PRG4: variants seen among roughly 807,000 people sequenced by gnomAD.
PRG4 encodes articular superficial zone protein.
In PRG4, 61 loss-of-function variants were observed where a neutral mutation model predicts 91.2. The ratio of observed to expected loss-of-function variants is 0.67; its 90% CI spans 0.54 to 0.83. The LOEUF (loss-of-function observed/expected upper bound fraction) is 0.83, where lower values mean the gene tolerates loss of function less well. PRG4 is among the 40% of genes least tolerant of loss of function. The pLI is 0.00. For missense variants in PRG4, 1,564 were observed against 1,714.2 expected (o/e 0.91, Z 1.55); for synonymous variants, 576 against 614.2 (o/e 0.94, Z 0.92).
In PRG4 at chr1:186,308,404, A is replaced by G. The variant is rs1656904149; in HGVS notation, c.2685A>G (p.Glu895=). ...TPKALENSPK[E]PGVPTTKTPA... ...AAGCTCTTGAAAACAGTCCCAAGGAACCTGGTGTACCTACAACTAAGACTC... is the reference window on the plus strand; with the variant it reads ...AAGCTCTTGAAAACAGTCCCAAGGAGCCTGGTGTACCTACAACTAAGACTC... Residue 895 remains glutamate, a synonymous_variant, in exon 7 of 13, where the codon GAA becomes GAG. Transcript: ENST00000445192. 2.5e-6 allele frequency: 4 copies of G among 1,613,916 alleles called. No individual in the cohort carries two copies. The highest frequency in any genetic ancestry group is 2.5e-6 in the Non-Finnish European group (3 of 1,180,022).
intron 1 of PRG4, 80 bp from the exon 2 acceptor site, chr1:186,296,766 T>C (rs2102004589): frequency 1.4e-6 from 1 of 730,742 alleles, no homozygotes; most frequent in East Asian, 2.7e-5. Context: ...TTTTTAAAGT[T>C]ACTGAAATGT....
In PRG4 at chr1:186,304,223, TAAGA is replaced by T. The variant is rs1462358384; in HGVS notation, c.439_442del (p.Lys147LeufsTer2). 1 of 1,613,360 alleles carries T rather than the reference TAAGA, an allele frequency of 6.2e-7. No individual in the cohort carries two copies. The highest frequency in any genetic ancestry group is 8.5e-7 in the Non-Finnish European group (1 of 1,179,568). ...CCAAACCACCAAACAAGAAGAAGAC[TAAGA>T]AAGTTATAGAATCAGAGGAAATAAC... On this transcript the variant is annotated frameshift_variant, in exon 5 of 13. Transcript: ENST00000445192. LOFTEE classifies it high-confidence loss of function.
In PRG4 at chr1:186,308,370, C is replaced by T. The variant is rs1422058068; in HGVS notation, c.2651C>T (p.Pro884Leu). The T allele has an allele frequency of 1.3e-5, 21 of 1,613,832 alleles. No homozygotes were observed. Among genetic ancestry groups the T allele is most frequent in the Non-Finnish European group, 1.8e-5 (21 of 1,180,038 alleles). The change falls in exon 7 of 13, where the codon CCC becomes CTC. Residue 884 changes from proline (P) to leucine (L), a missense_variant. Pro to Leu is a moderately conservative substitution (Grantham distance 98). Around this residue, in one of 3 missense-constraint regions of PRG4, gnomAD observed 1,079 missense variants for 1,162.2 expected, o/e 0.93. Coordinates refer to ENST00000445192, the MANE Select transcript of PRG4 (RefSeq NM_005807.6). The stretch of plus-strand genomic sequence containing the variant: ...TCAACTCCTGAGCTTTCTGCAGAAC[C>T]CACACCAAAAGCTCTTGAAAACAGT... ...DESTPELSAE[P>L]TPKALENSPK...
intron 6 of PRG4, among the ~76,000 whole-genome samples, chr1:186,305,702 G>C (rs1477797739): frequency 6.6e-6 from 1 of 152,172 alleles, no homozygotes; most frequent in East Asian, 1.9e-4. Flanking sequence ...GTCCACATGT[G>C]GGGCAGCTGC....
At chr1:186,305,029 G>GA (rs1435901685) in intron 6 of PRG4, 107 bp downstream of exon 6, 29 of 1,186,280 alleles carry the variant, frequency 2.4e-5, no homozygotes, top group Non-Finnish European at 1.3e-5. Flanking sequence ...ATATGGGGGG[G>GA]AATATAACTT....
Position 186,312,251 on chromosome 1 carries a change from T to C in PRG4, c.3870T>C (p.Tyr1290=), listed in dbSNP as rs902185020. 1.9e-6 allele frequency: 3 copies of C among 1,613,950 alleles called. No homozygotes were observed. Among genetic ancestry groups the C allele is most frequent in the African/African-American group, 2.7e-5 (2 of 74,916 alleles). The part of the protein sequence containing the change: ...KCPGRRPALN[Y]PVYGETTQVR... ...CTGGAAGAAGGCCTGCTCTAAATTA[T>C]CCAGTGTATGGAGAAACGACACAGG... Residue 1290 remains tyrosine, a synonymous_variant, in exon 11 of 13, where the codon TAT becomes TAC. Coordinates refer to ENST00000445192, the MANE Select transcript of PRG4 (RefSeq NM_005807.6).
In PRG4 at chr1:186,306,298, G is replaced by A; in HGVS notation, c.599-20G>A. 2 of 1,521,824 alleles carry A rather than the reference G, an allele frequency of 1.3e-6. No homozygotes were observed. Among genetic ancestry groups the A allele is most frequent in the Non-Finnish European group, 1.8e-6 (2 of 1,119,050 alleles). 94.3% of individuals were successfully genotyped at this position (1,521,824 alleles called of 1,614,324 possible). A position where few individuals can be genotyped will look rare whatever the true frequency, so the allele number is the denominator to read the frequency against. ...AAAAAAAAATATTCTAAAATAACAA[G>A]ATGTATATTTTTTCTCCAGTAAAAG... On this transcript the variant is annotated intron_variant, in intron 6 of 12. Coordinates refer to ENST00000445192, the MANE Select transcript of PRG4 (RefSeq NM_005807.6).
chr1:186,311,180 A>G lies in PRG4; in HGVS notation c.3636+10A>G, dbSNP rs1571583235. On this transcript the variant is annotated intron_variant, in intron 9 of 12. Coordinates refer to ENST00000445192, the MANE Select transcript of PRG4 (RefSeq NM_005807.6). ...AACTTTCTTCTTTAAGGTAACACAA[A>G]TATCTTTGTGAGAGAAATTTAATAA... 5 of 1,605,710 alleles carry G rather than the reference A, an allele frequency of 3.1e-6. No individual in the cohort carries two copies. The East Asian group carries it at 6.7e-5, about 22-fold the overall frequency.
At chr1:186,299,541 G>C (rs1656066578) in intron 2 of PRG4, among the ~76,000 whole-genome samples, 1 of 152,170 alleles carries the variant, frequency 6.6e-6, no homozygotes, top group Non-Finnish European at 1.5e-5. Context: ...ACAATTATAA[G>C]GGTAAAAGAG....
chr1:186,312,159 T>G lies in PRG4; in HGVS notation c.3794-16T>G. The G allele has an allele frequency of 3.1e-6, 5 of 1,610,002 alleles. No individual in the cohort carries two copies. The highest frequency in any genetic ancestry group is 4.3e-6 in the Non-Finnish European group (5 of 1,176,378). ...ATTAATTTTCATTTTCCATGTGATA[T>G]TCTAATACATAACAGGTGGCAGCAT... On this transcript the variant is annotated splice_polypyrimidine_tract_variant and intron_variant, in intron 10 of 12. Transcript: ENST00000445192.
At position 186,313,842 on chromosome 1, in the gene PRG4, CATTTT is replaced by C; in HGVS notation, c.*68_*72del. Reference sequence around the variant, plus strand: ...AATAATAAATTTTGACACTGAAAAACATTTTATTAATAAAGAATATTGACATGAGT... The same window carrying C: ...AATAATAAATTTTGACACTGAAAAACATTAATAAAGAATATTGACATGAGT... On this transcript the variant is annotated 3_prime_UTR_variant, in exon 13 of 13. Transcript: ENST00000445192. 4 of 1,490,468 alleles carry C rather than the reference CATTTT, an allele frequency of 2.7e-6. No individual in the cohort carries two copies. Among genetic ancestry groups the C allele is most frequent in the Non-Finnish European group, 3.7e-6 (4 of 1,068,088 alleles). 92.3% of individuals were successfully genotyped at this position (1,490,468 alleles called of 1,614,324 possible).
At chr1:186,302,330 A>T (rs1547085) in intron 4 of PRG4, among the ~76,000 whole-genome samples, 95,402 of 151,408 alleles carry the variant, frequency 0.63, 30,112 homozygotes, top group Non-Finnish European at 0.65. Context: ...CTTAAAATCA[A>T]ATTCTCTATT....
chr1:186,304,288 C>T (rs1303100748), intron 5 of PRG4, 31 bp downstream of exon 5: 6 of 1,597,272 alleles, frequency 3.8e-6, no homozygotes, highest in East Asian at 2.2e-5. Flanking sequence ...ATCAAAGGAG[C>T]TTTCTTAGAT....
intron 4 of PRG4, among the ~76,000 whole-genome samples, chr1:186,302,857 GAGAGAACATTTTGATAA>G (rs1656309619): frequency 6.6e-6 from 1 of 152,074 alleles, no homozygotes; most frequent in African/African-American, 2.4e-5. Flanking sequence ...ATGAGACATT[GAGAGAACATTTTGATAA>G]AGATAATACT....
rs781706970 is a variant in PRG4, at chr1:186,304,890, C to T, written c.566C>T (p.Ala189Val). The T allele has an allele frequency of 7.4e-6, 12 of 1,613,302 alleles. No individual in the cohort carries two copies. Among genetic ancestry groups the T allele is most frequent in the South Asian group, 1.1e-5 (1 of 91,070 alleles). ...AAAATCAAGTCTTCCAAAAATTCAG[C>T]TGCTAATAGAGAATTACAGAAGAAA... ...IRKIKSSKNS[A>V]ANRELQKKLK... Residue 189 changes from alanine to valine, a missense_variant, in exon 6 of 13, where the codon GCT (alanine) becomes GTT (valine). Ala to Val is a moderately conservative substitution (Grantham distance 64). Around this residue, in one of 3 missense-constraint regions of PRG4, gnomAD observed 437 missense variants for 459.0 expected, o/e 0.95. Transcript: ENST00000445192.
At chr1:186,297,971 T>C (rs918579302) in intron 2 of PRG4, among the ~76,000 whole-genome samples, 1 of 152,248 alleles carries the variant, frequency 6.6e-6, no homozygotes, top group Admixed American at 6.5e-5. Context: ...CGTAACACTA[T>C]GACAAGGTTC....
At position 186,308,554 on chromosome 1, in the gene PRG4, AG is replaced by A; in HGVS notation, c.2836del (p.Glu946LysfsTer8). On this transcript the variant is annotated frameshift_variant, in exon 7 of 13. Coordinates refer to ENST00000445192, the MANE Select transcript of PRG4 (RefSeq NM_005807.6). LOFTEE classifies it high-confidence loss of function. The stretch of plus-strand genomic sequence containing the variant: ...TGACAAAAGAGACAGCAACTACAAC[AG>A]AAAAAACTACCGAATCCAAAATAAC... ...KMTKETATTT[E>X]KTTESKITAT... is the part of the protein sequence containing the mutation. 1 of 1,613,706 alleles carries A rather than the reference AG, an allele frequency of 6.2e-7. No homozygotes were observed. Among genetic ancestry groups the A allele is most frequent in the Non-Finnish European group, 8.5e-7 (1 of 1,180,026 alleles).
intron 5 of PRG4, 76 bp from the exon 6 acceptor site, chr1:186,304,718 T>A: frequency 6.6e-7 from 1 of 1,522,118 alleles, no homozygotes; most frequent in Non-Finnish European, 9.1e-7. Context: ...TAGCACTTCT[T>A]GCTGTGTTTA....
At position 186,303,455 on chromosome 1, in the gene PRG4, TAA is replaced by T. The variant is rs11351654; in HGVS notation, c.320-636_320-635del. Among the ~76,000 whole-genome samples, 278 of 132,478 alleles carry T rather than the reference TAA, an allele frequency of 2.1e-3. 1 individual carries two copies. The highest frequency in any genetic ancestry group is 3.4e-3 in the African/African-American group (117 of 34,752). 86.9% of individuals were successfully genotyped at this position (132,478 alleles called of 152,430 possible). A position where few individuals can be genotyped will look rare whatever the true frequency, so the allele number is the denominator to read the frequency against. On this transcript the variant is annotated intron_variant, in intron 4 of 12. Coordinates refer to ENST00000445192, the MANE Select transcript of PRG4 (RefSeq NM_005807.6). ...CTTCATTAGTCCCTCTTCTTGTTCC[TAA>T]AAAAAAAAAAAAAAAAGAAGTTCCA...
Sources: gnomAD v4.1 joint callset for allele counts (sites outside exome capture counted in the v4.1 genomes callset) on GRCh38, gnomAD v4.1.1 for gene constraint, gnomAD v4.1.1 regional missense constraint, MANE v1.5 for transcripts, NCBI Gene and HGNC (gene_info 2026-07-23, HGNC 2026-07-21) for gene names.